NOP14: variants seen among roughly 807,000 people sequenced by gnomAD.
NOP14 encodes nucleolar protein 14.
A neutral mutation model predicts 101.6 loss-of-function variants in NOP14; 57 were observed. The observed-to-expected ratio is 0.56, with a 90% CI of 0.45 to 0.70. The LOEUF is 0.70. Ranked by LOEUF, NOP14 falls within the 30% of genes least tolerant of loss-of-function variation. The pLI, the probability that NOP14 is intolerant of heterozygous loss-of-function variation, is 0.00. For synonymous variants in NOP14, 428 were observed against 424.0 expected, an observed-to-expected ratio of 1.01 and a Z score of -0.12; for missense variants, 1,134 against 1,075.5, an observed-to-expected ratio of 1.05 and a Z score of -0.76.
At chr4:2,959,982 T>G (rs1030544468) in intron 1 of NOP14, among the ~76,000 whole-genome samples, 3 of 152,080 alleles carry the variant, frequency 2.0e-5, no homozygotes, top group Admixed American at 2.0e-4. Context: ...TTTTTTTTTT[T>G]TTTTAAAGAT....
In NOP14 at chr4:2,952,416, A is replaced by G. The variant is rs1560304227; in HGVS notation, c.748-19T>C. The stretch of plus-strand genomic sequence containing the variant: ...CATCGGGCTAAGGTAGAAAGAAGAA[A>G]TTCTTCATTTTAAAAATATATTTAT... On this transcript the variant is annotated intron_variant, in intron 5 of 17. Transcript: ENST00000416614. The G allele has an allele frequency of 6.4e-7, 1 of 1,557,550 alleles. No individual in the cohort carries two copies. The highest frequency in any genetic ancestry group is 8.7e-7 in the Non-Finnish European group (1 of 1,155,118).
intron 13 of NOP14, among the ~76,000 whole-genome samples, chr4:2,943,266 C>T (rs1714357792): frequency 6.6e-6 from 1 of 152,258 alleles, no homozygotes; most frequent in Non-Finnish European, 1.5e-5. Context: ...TGCCACAGCA[C>T]CTGCTCCTCA....
intron 10 of NOP14, 40 bp downstream of exon 10, chr4:2,947,486 C>T (rs1295244454): frequency 1.5e-6 from 2 of 1,376,612 alleles, no homozygotes; most frequent in African/African-American, 1.4e-5. Flanking sequence ...AATTGTTCTG[C>T]TTAACCCCAC....
At chr4:2,962,400 A>G (rs1716086218) in intron 1 of NOP14, among the ~76,000 whole-genome samples, 1 of 152,180 alleles carries the variant, frequency 6.6e-6, no homozygotes, top group Admixed American at 6.5e-5. Context: ...TTTTGATTCA[A>G]AGACCATCCA....
Position 2,939,173 on chromosome 4 carries a change from A to G in NOP14, c.2474+15T>C. ...GTGACACCACAATCGTGTCGCACAC[A>G]CACGTCCCCCTCACCGTTCCATGAT... On this transcript the variant is annotated intron_variant, in intron 17 of 17. Coordinates refer to ENST00000416614, the MANE Select transcript of NOP14 (RefSeq NM_001291978.2). 1 of 1,613,786 alleles carries G rather than the reference A, an allele frequency of 6.2e-7. No homozygotes were observed. Among genetic ancestry groups the G allele is most frequent in the Admixed American group, 1.7e-5 (1 of 60,028 alleles).
At chr4:2,942,090 G>T in intron 14 of NOP14, 102 bp downstream of exon 14, 2 of 1,226,660 alleles carry the variant, frequency 1.6e-6, no homozygotes, top group African/African-American at 1.5e-5. Context: ...ACGGCCGGGC[G>T]GCAAGTTCAC....
Position 2,938,891 on chromosome 4 carries a change from G to A in NOP14, c.2514C>T (p.Asn838=), listed in dbSNP as rs1286683090. Residue 838 remains asparagine, a synonymous_variant, in exon 18 of 18, where the codon AAC becomes AAT. Coordinates refer to ENST00000416614, the MANE Select transcript of NOP14 (RefSeq NM_001291978.2). The part of the protein sequence containing the change: ...ERKRKVKQLF[N]SLATQEGEWK... ...ATTCGCCTTCCTGTGTAGCCAGGCT[G>A]TTAAAAAGCTGCTTTACTTTCCGCT... The A allele has an allele frequency of 2.5e-6, 4 of 1,614,170 alleles. No individual in the cohort carries two copies. Among genetic ancestry groups the A allele is most frequent in the Admixed American group, 1.7e-5 (1 of 60,032 alleles).
intron 13 of NOP14, among the ~76,000 whole-genome samples, chr4:2,943,665 G>A (rs1001758746): frequency 9.2e-5 from 14 of 152,334 alleles, no homozygotes; most frequent in South Asian, 4.1e-4. Context: ...CTGCCTTGTC[G>A]TCACGTGAGA....
intron 14 of NOP14, 170 bp downstream of exon 14, chr4:2,942,022 G>A (rs1317194646): frequency 2.9e-6 from 2 of 681,738 alleles, no homozygotes; most frequent in East Asian, 5.4e-5. Flanking sequence ...AAAATGAAAA[G>A]AAAAAGGGAC....
chr4:2,951,275 G>A lies in NOP14; in HGVS notation c.871-30C>T, dbSNP rs769237398. On this transcript the variant is annotated intron_variant, in intron 6 of 17. Transcript: ENST00000416614. Reference sequence around the variant, plus strand: ...GCAGGAAGGAATGAGATGTCTTAGAGCACACTCTTCCAACATATGGTGAGG... The same window carrying A: ...GCAGGAAGGAATGAGATGTCTTAGAACACACTCTTCCAACATATGGTGAGG... 6 of 1,609,716 alleles carry A rather than the reference G, an allele frequency of 3.7e-6. No individual in the cohort carries two copies. The East Asian group carries it at 1.1e-4, about 30-fold the overall frequency.
Position 2,956,811 on chromosome 4 carries a change from G to A in NOP14, c.331C>T (p.Arg111Ter), listed in dbSNP as rs763155735. 13 of 1,575,388 alleles carry A rather than the reference G, an allele frequency of 8.3e-6. No homozygotes were observed. The highest frequency in any genetic ancestry group is 1.4e-5 in the African/African-American group (1 of 72,124). Residue 111 changes from arginine (R) to a stop codon, truncating the protein, a stop_gained and splice_region_variant, in exon 3 of 18, where the codon CGA becomes TGA. Transcript: ENST00000416614. LOFTEE classifies it high-confidence loss of function. ...TAGATGCTTTTTTTCTCATGATGTC[G>A]CTGACAGAAGAGAAAAAAAGTTTCC... Reference protein sequence around the residue: ...MMKRFALEQQRHHEKKSIYNL... With the variant: ...MMKRFALEQQ
chr4:2,957,778 T>A, intron 1 of NOP14, 38 bp from the exon 2 acceptor site: 1 of 1,607,494 alleles, frequency 6.2e-7, no homozygotes, highest in South Asian at 1.1e-5. Context: ...CAAAAAATTC[T>A]TGTGATTTCC....
intron 3 of NOP14, among the ~76,000 whole-genome samples, chr4:2,955,482 C>T (rs1242249160): frequency 2.8e-5 from 4 of 144,920 alleles, no homozygotes; most frequent in Non-Finnish European, 6.1e-5. Context: ...CTGCACGCCA[C>T]GGCGCCCCCT....
intron 1 of NOP14, among the ~76,000 whole-genome samples, chr4:2,962,671 A>C (rs1210703308): frequency 6.6e-6 from 1 of 152,182 alleles, no homozygotes; most frequent in Non-Finnish European, 1.5e-5. Context: ...TAAAAAAAAA[A>C]AAGTTAAAAA....
chr4:2,953,092 G>A (rs1203023991), intron 5 of NOP14, among the ~76,000 whole-genome samples: 5 of 152,236 alleles, frequency 3.3e-5, no homozygotes, highest in Non-Finnish European at 5.9e-5. Flanking sequence ...TGAGAACGCA[G>A]TTTCTTAAAC....
rs138590412 is a variant in NOP14, at chr4:2,954,652, T to C, written c.473-89A>G. The C allele has an allele frequency of 5.8e-4, 859 of 1,480,578 alleles. 7 individuals are homozygous for C. The East Asian group carries it at 0.018, about 31-fold the overall frequency. 91.7% of individuals were successfully genotyped at this position (1,480,578 alleles called of 1,614,324 possible). A position where few individuals can be genotyped will look rare whatever the true frequency, so the allele number is the denominator to read the frequency against. On this transcript the variant is annotated intron_variant, in intron 3 of 17. Coordinates refer to ENST00000416614, the MANE Select transcript of NOP14 (RefSeq NM_001291978.2). The stretch of plus-strand genomic sequence containing the variant: ...TAGCACTCTGCCAGTGCTTCCCCCA[T>C]AGTGGTCTGGAAAAGTCCACATTTG...
chr4:2,949,259 A>G (rs1403446522), intron 8 of NOP14, among the ~76,000 whole-genome samples: 1 of 152,188 alleles, frequency 6.6e-6, no homozygotes, highest in Non-Finnish European at 1.5e-5. Flanking sequence ...GCTAGAGTGC[A>G]GTGGTGTAAT....
rs1577833906 is a variant in NOP14 at position 2,947,558 on chromosome 4, T to G, written c.1467A>C (p.Pro489=). The change falls in exon 10 of 18, where the codon CCA becomes CCC. Residue 489 remains proline (P), a synonymous_variant. Coordinates refer to ENST00000416614, the MANE Select transcript of NOP14 (RefSeq NM_001291978.2). ...EYVGDLATDD[P]PDLTVIDKLV... is the part of the protein sequence containing the mutation. ...ACTTATCAATGACTGTGAGGTCTGGTGGGTCATCTGTAGCCAAATCGCCAA... is the reference window on the plus strand; with the variant it reads ...ACTTATCAATGACTGTGAGGTCTGGGGGGTCATCTGTAGCCAAATCGCCAA... The G allele has an allele frequency of 6.2e-7, 1 of 1,614,054 alleles. No homozygotes were observed. The highest frequency in any genetic ancestry group is 8.5e-7 in the Non-Finnish European group (1 of 1,179,934).
intron 9 of NOP14, 148 bp downstream of exon 9, chr4:2,948,130 C>T: frequency 9.3e-7 from 1 of 1,071,784 alleles, no homozygotes; most frequent in South Asian, 1.8e-5. Flanking sequence ...CAAGTACTCC[C>T]AGCCATCATC....
Sources: gnomAD v4.1 joint callset for allele counts (sites outside exome capture counted in the v4.1 genomes callset) on GRCh38, gnomAD v4.1.1 for gene constraint, MANE v1.5 for transcripts, NCBI Gene and HGNC (gene_info 2026-07-23, HGNC 2026-07-21) for gene names.